Variants in TRAF7 observed in about 807,000 individuals in gnomAD.
The protein encoded by TRAF7 is TNF receptor associated factor 7.
In TRAF7, 45 loss-of-function variants were observed where a neutral mutation model predicts 89.3. The observed-to-expected ratio is 0.50, with a 90% CI of 0.40 to 0.65. TRAF7 has a LOEUF of 0.65. Among genes scored for constraint, TRAF7 ranks in the 30% least tolerant of loss-of-function variants. The probability of loss-of-function intolerance (pLI) is 0.00; values close to 1 mark genes in which losing one functional copy is unlikely to be tolerated. For synonymous variants in TRAF7, 406 were observed against 369.2 expected (o/e 1.10, Z -1.14); for missense variants, 677 against 918.1 (o/e 0.74, Z 3.39).
intron 2 of TRAF7, 103 bp downstream of exon 2, chr16:2,164,104 C>A: frequency 9.1e-7 from 1 of 1,101,824 alleles, no homozygotes; most frequent in Non-Finnish European, 1.3e-6. Flanking sequence ...CCGTCCCGAG[C>A]TGGGGTCTCA....
At position 2,176,834 on chromosome 16, in the gene TRAF7, C is replaced by T. The variant is rs2093139034; in HGVS notation, c.*260C>T. ...ACCCTCCATCCCCACCCTCCATCCC[C>T]ACCCTAGATGGAGCGAGGGCCTTTT... On this transcript the variant is annotated 3_prime_UTR_variant, in exon 21 of 21. Coordinates refer to ENST00000326181, the MANE Select transcript of TRAF7 (RefSeq NM_032271.3). The T allele has an allele frequency of 5.0e-6, 3 of 601,836 alleles. No homozygotes were observed. Among genetic ancestry groups the T allele is most frequent in the Non-Finnish European group, 5.9e-6 (2 of 337,746 alleles). 37.3% of individuals were successfully genotyped at this position (601,836 alleles called of 1,614,324 possible). A position where few individuals can be genotyped will look rare whatever the true frequency, so the allele number is the denominator to read the frequency against.
intron 6 of TRAF7, 70 bp downstream of exon 6, chr16:2,171,426 C>A (rs1039874490): frequency 6.5e-7 from 1 of 1,533,082 alleles, no homozygotes; most frequent in Admixed American, 2.0e-5. Context: ...CTCTCGGGGG[C>A]CGGGGCTGTG....
At position 2,168,321 on chromosome 16, in the gene TRAF7, G is replaced by A; in HGVS notation, c.231+153G>A. 1.6e-6 allele frequency: 1 copy of A among 611,588 alleles called. No individual in the cohort carries two copies. The highest frequency in any genetic ancestry group is 2.8e-6 in the Non-Finnish European group (1 of 359,648). 37.9% of individuals were successfully genotyped at this position (611,588 alleles called of 1,614,324 possible). A position where few individuals can be genotyped will look rare whatever the true frequency, so the allele number is the denominator to read the frequency against. On this transcript the variant is annotated intron_variant, in intron 4 of 20. Coordinates refer to ENST00000326181, the MANE Select transcript of TRAF7 (RefSeq NM_032271.3). The surrounding 1 kb of genome is among the most constrained non-coding windows in gnomAD (Gnocchi z 4.1). The stretch of plus-strand genomic sequence containing the variant: ...ATACCCTGAGGCCTCGGCAGACATG[G>A]CAAGTCTGTGAGAAAGGAGGCTCCT...
chr16:2,173,859 T>TGGGGCGGCCCCCCCCCC, intron 12 of TRAF7, 23 bp downstream of exon 12: 3 of 1,246,248 alleles, frequency 2.4e-6, no homozygotes, highest in East Asian at 3.2e-5. Context: ...CCGCCGTGGC[T>TGGGGCGGCCCCCCCCCC]CCCGCCCACC....
chr16:2,175,825 T>C lies in TRAF7; in HGVS notation c.1627-9T>C. 1 of 1,612,222 alleles carries C rather than the reference T, an allele frequency of 6.2e-7. No homozygotes were observed. The highest frequency in any genetic ancestry group is 1.1e-5 in the South Asian group (1 of 91,072). ...GGCCTGGGACCAACTGGCCCACGAT[T>C]ACTCATAGATCTGGGACATCCGAAC... is the stretch of plus-strand genomic sequence containing the variant. On this transcript the variant is annotated splice_polypyrimidine_tract_variant and intron_variant, in intron 17 of 20. Coordinates refer to ENST00000326181, the MANE Select transcript of TRAF7 (RefSeq NM_032271.3).
In TRAF7 at chr16:2,176,990, G is replaced by A. The variant is rs1463386297; in HGVS notation, c.*416G>A. 10 of 393,926 alleles carry A rather than the reference G, an allele frequency of 2.5e-5. No individual in the cohort carries two copies. The highest frequency in any genetic ancestry group is 1.4e-4 in the African/African-American group (7 of 50,370). The allele number at this position is 393,926 out of a possible 1,614,324, so 24.4% of individuals were successfully genotyped here. ...ACAAGGGGGCTGTGTGTGGCCTTGA[G>A]GTTGGTGTGCACAGGCACTGGCTGC... is the stretch of plus-strand genomic sequence containing the variant. On this transcript the variant is annotated 3_prime_UTR_variant, in exon 21 of 21. Transcript: ENST00000326181.
chr16:2,156,177 C>G (rs1167791331), intron 1 of TRAF7, among the ~76,000 whole-genome samples: 1 of 152,140 alleles, frequency 6.6e-6, no homozygotes, highest in Non-Finnish European at 1.5e-5. Context: ...GCGGAGAACA[C>G]GGTCCCAGTT....
At chr16:2,167,266 C>T (rs1025806161) in intron 3 of TRAF7, among the ~76,000 whole-genome samples, 1 of 152,152 alleles carries the variant, frequency 6.6e-6, no homozygotes, top group Non-Finnish European at 1.5e-5. Context: ...CCACAGGTAC[C>T]TCACCTGGCC....
chr16:2,164,174 G>GCGCGCGCGCA (rs2093070684), intron 2 of TRAF7, among the ~76,000 whole-genome samples, 173 bp downstream of exon 2: 1 of 129,398 alleles, frequency 7.7e-6, no homozygotes, highest in Non-Finnish European at 1.6e-5. Context: ...GCGCGCGCGC[G>GCGCGCGCGCA]CGCGCGCACG....
Position 2,177,713 on chromosome 16 carries a change from C to T in TRAF7, c.*1139C>T. ...GCCCTGCTTCCACGTGGCTGCCACG[C>T]TGACACACCCACATTCACCAAACCC... On this transcript the variant is annotated 3_prime_UTR_variant, in exon 21 of 21. Coordinates refer to ENST00000326181, the MANE Select transcript of TRAF7 (RefSeq NM_032271.3). The T allele has an allele frequency of 4.2e-6, 1 of 239,572 alleles. No individual in the cohort carries two copies. Among genetic ancestry groups the T allele is most frequent in the Admixed American group, 5.5e-5 (1 of 18,266 alleles). 14.8% of individuals were successfully genotyped at this position (239,572 alleles called of 1,614,324 possible).
chr16:2,165,728 G>C (rs943314919), intron 2 of TRAF7, 151 bp from the exon 3 acceptor site: 11 of 807,698 alleles, frequency 1.4e-5, no homozygotes, highest in African/African-American at 1.0e-4. Flanking sequence ...AAGCGTGTGA[G>C]TGCTGCGTGG....
intron 2 of TRAF7, among the ~76,000 whole-genome samples, chr16:2,165,472 A>T (rs1596671925): frequency 8.4e-6 from 1 of 118,926 alleles, no homozygotes; most frequent in East Asian, 2.6e-4. Flanking sequence ...TCGCATGGTT[A>T]AGCGTGTGAG....
chr16:2,166,960 C>T lies in TRAF7; in HGVS notation c.139+1024C>T, dbSNP rs115528826. Among the ~76,000 whole-genome samples, 1,471 of 152,150 alleles carry T rather than the reference C, an allele frequency of 9.7e-3. 21 individuals are homozygous for T. The highest frequency in any genetic ancestry group is 0.034 in the African/African-American group (1,400 of 41,396). On this transcript the variant is annotated intron_variant, in intron 3 of 20. Transcript: ENST00000326181. ...GCACTCTGCCCTTTGTAGAAGCACA[C>T]TGGCTGCTAATTAGCTTTTTAATTG...
chr16:2,175,984 G>C, intron 18 of TRAF7, 31 bp downstream of exon 18: 3 of 1,612,468 alleles, frequency 1.9e-6, no homozygotes, highest in Non-Finnish European at 2.5e-6. Context: ...TGCAAGGCCA[G>C]ACTGTGGCCC....
chr16:2,177,507 A>G lies in TRAF7; in HGVS notation c.*933A>G, dbSNP rs932646276. On this transcript the variant is annotated 3_prime_UTR_variant, in exon 21 of 21. Transcript: ENST00000326181. ...GAGGAGACCAGTCAGTACTTCTTGG[A>G]GGGGGCAGGAGGAGAGAGGAAAAGG... The G allele has an allele frequency of 5.2e-5, 12 of 232,642 alleles. No individual in the cohort carries two copies. The highest frequency in any genetic ancestry group is 2.2e-4 in the African/African-American group (10 of 45,200). 14.4% of individuals were successfully genotyped at this position (232,642 alleles called of 1,614,324 possible).
Position 2,176,336 on chromosome 16 carries a change from T to C in TRAF7, c.1950T>C (p.Ala650=). Residue 650 remains alanine (A), a synonymous_variant, in exon 20 of 21, where the codon GCT becomes GCC. Coordinates refer to ENST00000326181, the MANE Select transcript of TRAF7 (RefSeq NM_032271.3). ...LRHQGSVTAL[A]VSRGRLFSGA... is the part of the protein sequence containing the mutation. ...ACCAGGGCAGTGTCACCGCGCTGGC[T>C]GTGTCCCGGGGCCGACTCTTCTCAG... The C allele has an allele frequency of 4.4e-6, 7 of 1,604,862 alleles. No individual in the cohort carries two copies. Among genetic ancestry groups the C allele is most frequent in the Non-Finnish European group, 5.1e-6 (6 of 1,178,196 alleles).
At chr16:2,172,635 G>GGGGGGGGGGGGGGGC in intron 9 of TRAF7, 36 bp downstream of exon 9, 1 of 1,273,310 alleles carries the variant, frequency 7.9e-7, no homozygotes, top group Non-Finnish European at 1.1e-6. Context: ...GCCGGGGTGG[G>GGGGGGGGGGGGGGGC]CGCAGGCCCT....
At chr16:2,164,158 G>A (rs1175486607) in intron 2 of TRAF7, among the ~76,000 whole-genome samples, 157 bp downstream of exon 2, 2 of 119,712 alleles carry the variant, frequency 1.7e-5, no homozygotes, top group African/African-American at 7.3e-5. Flanking sequence ...GTGTGTGTGT[G>A]TGCGCGCGCG....
chr16:2,176,249 TC>T lies in TRAF7; in HGVS notation c.1879-13del, dbSNP rs2093135743. The T allele has an allele frequency of 7.5e-6, 12 of 1,600,778 alleles. No individual in the cohort carries two copies. Among genetic ancestry groups the T allele is most frequent in the Non-Finnish European group, 1.0e-5 (12 of 1,179,322 alleles). ...AGCTGAGCTCCGGCGGGCCCTCACG[TC>T]CCATGTGCCCCCAGGTCTGGAGTAT... On this transcript the variant is annotated splice_polypyrimidine_tract_variant and intron_variant, in intron 19 of 20. Coordinates refer to ENST00000326181, the MANE Select transcript of TRAF7 (RefSeq NM_032271.3).
Sources: gnomAD v4.1 joint callset for allele counts (sites outside exome capture counted in the v4.1 genomes callset) on GRCh38, gnomAD v4.1.1 for gene constraint, Gnocchi (gnomAD v3.1) non-coding constraint, MANE v1.5 for transcripts, NCBI Gene and HGNC (gene_info 2026-07-23, HGNC 2026-07-21) for gene names.